Variants in BTAF1 observed in about 807,000 individuals in gnomAD.
BTAF1 encodes the protein TATA-binding protein-associated factor 172.
BTAF1 carries 38 observed loss-of-function variants against 227.1 expected under a neutral mutation model. The observed-to-expected ratio is 0.17, with a 90% CI of 0.13 to 0.22. BTAF1 has a LOEUF of 0.22. Among genes scored for constraint, BTAF1 ranks in the 10% least tolerant of loss-of-function variants. The pLI, the probability that BTAF1 is intolerant of heterozygous loss-of-function variation, is 1.00. For missense variants in BTAF1, 1,598 were observed against 2,204.0 expected (o/e 0.73, Z 5.51); for synonymous variants, 742 against 751.9 (o/e 0.99, Z 0.21).
In BTAF1 at chr10:91,995,905, G is replaced by A. The variant is rs568916326; in HGVS notation, c.3310-464G>A. 8.2e-4 allele frequency among the ~76,000 whole-genome samples: 125 copies of A among 152,252 alleles called. 1 individual carries two copies. The highest frequency in any genetic ancestry group is 2.9e-3 in the African/African-American group (120 of 41,548). On this transcript the variant is annotated intron_variant, in intron 23 of 37. Coordinates refer to ENST00000265990, the MANE Select transcript of BTAF1 (RefSeq NM_003972.3). ...GGTAAGCCAGGAAGCTACAGTGGAC[G>A]ATACCTACCAAAGTATGGTGCTAGA...
intron 1 of BTAF1, 138 bp downstream of exon 1, chr10:91,924,228 C>A: frequency 8.2e-7 from 1 of 1,216,804 alleles, no homozygotes; most frequent in African/African-American, 1.6e-5. Flanking sequence ...CTTCGGAGTT[C>A]GCCCCGTGGT....
chr10:91,933,262 A>AG (rs1564653900), intron 1 of BTAF1, among the ~76,000 whole-genome samples: 1 of 152,028 alleles, frequency 6.6e-6, no homozygotes, highest in Non-Finnish European at 1.5e-5. Flanking sequence ...GAAAGTTTTA[A>AG]AGTAAGGTAG....
chr10:91,939,041 G>A (rs1331638573), intron 2 of BTAF1, among the ~76,000 whole-genome samples: 4 of 149,480 alleles, frequency 2.7e-5, no homozygotes, highest in African/African-American at 9.8e-5. Context: ...TTAATTTATA[G>A]TATATTACTG....
chr10:91,980,192 G>A (rs150262367), intron 14 of BTAF1, among the ~76,000 whole-genome samples: 64 of 152,194 alleles, frequency 4.2e-4, no homozygotes, highest in African/African-American at 1.4e-3. Context: ...TTTCAACTTT[G>A]AGGAAAAATT....
intron 30 of BTAF1, among the ~76,000 whole-genome samples, chr10:92,012,079 T>TCCC (rs1850330208): frequency 8.6e-6 from 1 of 116,394 alleles, no homozygotes; most frequent in African/African-American, 3.4e-5. Flanking sequence ...CTCTCCCTCC[T>TCCC]TCCCTCCCTC....
chr10:91,976,756 A>G (rs1342259561), intron 14 of BTAF1, among the ~76,000 whole-genome samples: 1 of 152,234 alleles, frequency 6.6e-6, no homozygotes, highest in African/African-American at 2.4e-5. Flanking sequence ...GATTATTTCC[A>G]GTGGCCAGGA....
At chr10:92,013,637 A>T in intron 30 of BTAF1, 30 bp from the exon 31 acceptor site, 1 of 1,613,868 alleles carries the variant, frequency 6.2e-7, no homozygotes, top group Non-Finnish European at 8.5e-7. Flanking sequence ...TAATCCCAGT[A>T]CAAAAGATAA....
At chr10:91,952,035 A>C (rs542499164) in intron 5 of BTAF1, among the ~76,000 whole-genome samples, 1 of 151,624 alleles carries the variant, frequency 6.6e-6, no homozygotes, top group Non-Finnish European at 1.5e-5. Flanking sequence ...TGCCAACAGG[A>C]CACAGACATT....
rs765621237 is a variant in BTAF1, at chr10:91,982,624, G to T, written c.2086G>T (p.Gly696Cys). The change falls in exon 18 of 38, where the codon GGT becomes TGT. Residue 696 changes from glycine to cysteine, a missense_variant. Around this residue, in one of 10 missense-constraint regions of BTAF1, gnomAD observed 318 missense variants for 435.0 expected, o/e 0.73. Coordinates refer to ENST00000265990, the MANE Select transcript of BTAF1 (RefSeq NM_003972.3). ...ACTTTGTTGCTGTATTTGTGATCCA[G>T]GTGTAAATGTGGTAACTCAAGAAAT... ...GALCCCICDP[G>C]VNVVTQEIKP... The T allele has an allele frequency of 1.2e-6, 2 of 1,613,796 alleles. No homozygotes were observed. The highest frequency in any genetic ancestry group is 2.7e-5 in the African/African-American group (2 of 75,004).
chr10:91,924,962 C>T (rs1416050053), intron 1 of BTAF1, among the ~76,000 whole-genome samples: 1 of 152,104 alleles, frequency 6.6e-6, no homozygotes, highest in Non-Finnish European at 1.5e-5. Flanking sequence ...GATTCTTTTA[C>T]CATATAGACT....
intron 1 of BTAF1, among the ~76,000 whole-genome samples, chr10:91,934,924 G>A (rs1278631562): frequency 2.0e-5 from 3 of 152,082 alleles, no homozygotes; most frequent in African/African-American, 7.2e-5. Flanking sequence ...CATAGTTGGG[G>A]ATATAATATT....
At chr10:91,970,454 A>G (rs998648807) in intron 14 of BTAF1, among the ~76,000 whole-genome samples, 2 of 152,192 alleles carry the variant, frequency 1.3e-5, no homozygotes, top group African/African-American at 4.8e-5. Flanking sequence ...GTGGAAGGCA[A>G]GGAGGAGCAA....
Position 92,027,264 on chromosome 10 carries a change from G to C in BTAF1, c.5370G>C (p.Gly1790=). The C allele has an allele frequency of 2.5e-6, 4 of 1,613,560 alleles. No individual in the cohort carries two copies. Among genetic ancestry groups the C allele is most frequent in the Non-Finnish European group, 3.4e-6 (4 of 1,179,832 alleles). ...AGAATTCTAGTTTGCAGAGCATGGG[G>C]ACTGATCAGCTTCTTGATCTGTTTA... ...SQENSSLQSM[G]TDQLLDLFTL... is the part of the protein sequence containing the mutation. The change falls in exon 37 of 38, where the codon GGG becomes GGC. Residue 1790 remains glycine (G), a synonymous_variant. Transcript: ENST00000265990.
At chr10:91,937,266 T>G (rs1366428133) in intron 2 of BTAF1, among the ~76,000 whole-genome samples, 1 of 152,142 alleles carries the variant, frequency 6.6e-6, no homozygotes, top group Non-Finnish European at 1.5e-5. Flanking sequence ...GTGCTGGGAT[T>G]GCAGGCGTGA....
chr10:91,925,516 C>CTTTTTTTTTTTTTTTTTTT lies in BTAF1; in HGVS notation c.14+1439_14+1440insTTTTTTTTTTTTTTTTTTT, dbSNP rs6144026. On this transcript the variant is annotated intron_variant, in intron 1 of 37. Transcript: ENST00000265990. ...CCTAATTTTCGGGCAACGCTAATCT[C>CTTTTTTTTTTTTTTTTTTT]TTTTTTTTTTTTTGAGAAGGAATCT... Among the ~76,000 whole-genome samples, 763 of 114,412 alleles carry CTTTTTTTTTTTTTTTTTTT rather than the reference C, an allele frequency of 6.7e-3. 94 individuals carry two copies. The highest frequency in any genetic ancestry group is 0.011 in the Non-Finnish European group (568 of 52,784). The allele number at this position is 114,412 out of a possible 152,430, so 75.1% of individuals were successfully genotyped here.
intron 3 of BTAF1, 91 bp from the exon 4 acceptor site, chr10:91,942,331 T>TGTGTG: frequency 3.2e-6 from 3 of 924,956 alleles, no homozygotes; most frequent in Non-Finnish European, 3.3e-6. Flanking sequence ...TGTGTGTGTG[T>TGTGTG]AACCCATGCA....
chr10:91,936,495 A>AC, intron 2 of BTAF1, among the ~76,000 whole-genome samples: 1 of 150,826 alleles, frequency 6.6e-6, no homozygotes, highest in Non-Finnish European at 1.5e-5. Context: ...TCATCTGCCC[A>AC]TCTCTGTTGA....
rs776956209 is a variant in BTAF1, at chr10:92,027,255, G to C, written c.5361G>C (p.Gln1787His). The C allele has an allele frequency of 1.2e-6, 2 of 1,614,002 alleles. No individual in the cohort carries two copies. The highest frequency in any genetic ancestry group is 1.7e-6 in the Non-Finnish European group (2 of 1,179,954). The change falls in exon 37 of 38, where the codon CAG becomes CAC. Residue 1787 changes from glutamine to histidine, a missense_variant. Around this residue, in one of 10 missense-constraint regions of BTAF1, gnomAD observed 79 missense variants for 97.9 expected, o/e 0.81. Transcript: ENST00000265990. ...TTAGCCAAGAGAATTCTAGTTTGCA[G>C]AGCATGGGGACTGATCAGCTTCTTG... ...TVISQENSSL[Q>H]SMGTDQLLDL...
intron 20 of BTAF1, among the ~76,000 whole-genome samples, chr10:91,990,452 A>G (rs1183451156): frequency 6.6e-6 from 1 of 151,568 alleles, no homozygotes; most frequent in Non-Finnish European, 1.5e-5. Flanking sequence ...CTTGCTTGAG[A>G]TATTTTTTAA....
Sources: gnomAD v4.1 joint callset for allele counts (sites outside exome capture counted in the v4.1 genomes callset) on GRCh38, gnomAD v4.1.1 for gene constraint, gnomAD v4.1.1 regional missense constraint, MANE v1.5 for transcripts, NCBI Gene and HGNC (gene_info 2026-07-23, HGNC 2026-07-21) for gene names.